The following HDAC9 variants were observed in gnomAD, a reference collection of about 807,000 sequenced individuals.
The protein encoded by HDAC9 is histone deacetylase 9.
HDAC9 carries 41 observed loss-of-function variants against 139.4 expected under a neutral mutation model. The observed-to-expected ratio is 0.29, with a 90% CI of 0.23 to 0.38. HDAC9 has a LOEUF of 0.38. HDAC9 is among the 10% of genes least tolerant of loss of function. The pLI is 1.00. For synonymous variants in HDAC9, 517 were observed against 476.2 expected (o/e 1.09, Z -1.12); for missense variants, 1,147 against 1,297.0 (o/e 0.88, Z 1.78).
At chr7:18,655,204 T>G (rs1237075735) in intron 11 of HDAC9, among the ~76,000 whole-genome samples, 1 of 152,162 alleles carries the variant, frequency 6.6e-6, no homozygotes, top group Non-Finnish European at 1.5e-5. Flanking sequence ...TGTTGTCAGG[T>G]TTAATTTCTC....
intron 21 of HDAC9, among the ~76,000 whole-genome samples, chr7:18,869,137 T>C (rs1798712466): frequency 6.8e-6 from 1 of 147,768 alleles, no homozygotes; most frequent in Non-Finnish European, 1.5e-5. Context: ...ATTCCTGGAC[T>C]CACAATTGGG....
intron 16 of HDAC9, among the ~76,000 whole-genome samples, chr7:18,769,753 C>G (rs1412895894): frequency 6.6e-6 from 1 of 152,092 alleles, no homozygotes; most frequent in African/African-American, 2.4e-5. Flanking sequence ...ATTTTCACCT[C>G]CAGGACAATC....
At chr7:18,790,996 C>A (rs909337443) in intron 16 of HDAC9, among the ~76,000 whole-genome samples, 5 of 152,154 alleles carry the variant, frequency 3.3e-5, no homozygotes, top group African/African-American at 4.8e-5. Context: ...AGTTTAGACA[C>A]CAAAATTAAT....
chr7:18,977,600 A>G (rs1419255717), intron 25 of HDAC9, among the ~76,000 whole-genome samples: 1 of 152,096 alleles, frequency 6.6e-6, no homozygotes, highest in Admixed American at 6.6e-5. Context: ...GTCTATAGAG[A>G]TTTAACCTTG....
At position 18,090,857 on chromosome 7, in the gene HDAC9, A is replaced by T. The variant is rs183007952; in HGVS notation, c.-97+3644A>T. The stretch of plus-strand genomic sequence containing the variant: ...TATCTGAATAAATCAGACTTTTTTT[A>T]AAAAAAAGAAAAGGACAGAAACTTG... On this transcript the variant is annotated intron_variant, in intron 1 of 12. Coordinates refer to the HDAC9 transcript ENST00000417496. Among the ~76,000 whole-genome samples, 1,320 of 151,952 alleles carry T rather than the reference A, an allele frequency of 8.7e-3. 4 individuals carry two copies. The highest frequency in any genetic ancestry group is 0.015 in the African/African-American group (629 of 41,476).
intron 21 of HDAC9, among the ~76,000 whole-genome samples, chr7:18,868,214 G>A (rs965901853): frequency 2.6e-4 from 40 of 152,060 alleles, no homozygotes; most frequent in African/African-American, 8.9e-4. Context: ...CCCTGTGGTT[G>A]TATAAATGGG....
At chr7:18,261,554 G>T (rs544117388) in intron 2 of HDAC9, among the ~76,000 whole-genome samples, 1 of 152,060 alleles carries the variant, frequency 6.6e-6, no homozygotes, top group African/African-American at 2.4e-5. Flanking sequence ...TAATGGGAAG[G>T]GTTCTTATCT....
intron 2 of HDAC9, among the ~76,000 whole-genome samples, chr7:18,243,093 T>C (rs1289254684): frequency 3.3e-5 from 5 of 152,214 alleles, no homozygotes; most frequent in Non-Finnish European, 2.9e-5. Flanking sequence ...TCCTTCTTTC[T>C]TTTTTCCCCA....
chr7:18,794,534 G>T (rs2129180101), intron 17 of HDAC9, among the ~76,000 whole-genome samples: 1 of 152,316 alleles, frequency 6.6e-6, no homozygotes, highest in Admixed American at 6.5e-5. Flanking sequence ...AAAAGTAGAT[G>T]TGCCTGTATA....
At chr7:18,669,527 G>T (rs1795536220) in intron 12 of HDAC9, among the ~76,000 whole-genome samples, 1 of 151,794 alleles carries the variant, frequency 6.6e-6, no homozygotes, top group Non-Finnish European at 1.5e-5. Context: ...GACTGTTACA[G>T]AATGGATTAT....
intron 1 of HDAC9, among the ~76,000 whole-genome samples, chr7:18,426,765 C>CT (rs1289873879): frequency 2.6e-5 from 4 of 152,128 alleles, no homozygotes; most frequent in Non-Finnish European, 5.9e-5. Context: ...TTCAAGATGA[C>CT]TTGTAAAGTT....
At chr7:18,749,938 T>C (rs975141954) in intron 14 of HDAC9, among the ~76,000 whole-genome samples, 3 of 152,220 alleles carry the variant, frequency 2.0e-5, no homozygotes, top group Non-Finnish European at 4.4e-5. Context: ...TTATTTCTTT[T>C]ACTGGGTCTC....
chr7:18,757,827 C>T (rs1003241508), intron 14 of HDAC9, among the ~76,000 whole-genome samples: 1 of 152,006 alleles, frequency 6.6e-6, no homozygotes, highest in African/African-American at 2.4e-5. Context: ...CTTCTATAAT[C>T]GGGATGCATT....
chr7:18,773,477 G>A (rs1450203952), intron 16 of HDAC9, among the ~76,000 whole-genome samples: 4 of 151,636 alleles, frequency 2.6e-5, no homozygotes, highest in African/African-American at 9.7e-5. Context: ...TGAACATTGA[G>A]ACAAGAAGAA....
chr7:18,504,805 A>G (rs1799311429), intron 2 of HDAC9, among the ~76,000 whole-genome samples: 1 of 152,214 alleles, frequency 6.6e-6, no homozygotes. Flanking sequence ...ATATATTCAG[A>G]GAGATAAGAA....
At chr7:18,552,585 T>G (rs1298929179) in intron 2 of HDAC9, among the ~76,000 whole-genome samples, 3 of 152,194 alleles carry the variant, frequency 2.0e-5, no homozygotes, top group African/African-American at 7.2e-5. Context: ...GACCCGGTTT[T>G]CTTTATTTTT....
At chr7:18,918,276 C>T (rs1444542620) in intron 22 of HDAC9, among the ~76,000 whole-genome samples, 1 of 151,198 alleles carries the variant, frequency 6.6e-6, no homozygotes, top group East Asian at 2.0e-4. Context: ...AGGCCAGTCT[C>T]TGAGGAGTAC....
At chr7:18,227,632 A>G (rs1330842958) in intron 2 of HDAC9, among the ~76,000 whole-genome samples, 3 of 152,330 alleles carry the variant, frequency 2.0e-5, no homozygotes, top group African/African-American at 7.2e-5. Context: ...TTTACACCAG[A>G]AAGTCTTTGG....
intron 1 of HDAC9, among the ~76,000 whole-genome samples, chr7:18,346,145 G>A (rs1007126334): frequency 1.3e-5 from 2 of 152,066 alleles, no homozygotes; most frequent in African/African-American, 4.8e-5. Context: ...GTTATGTTAT[G>A]GCCCATAATG....
Sources: allele counts gnomAD v4.1 joint callset (sites outside exome capture counted in the v4.1 genomes callset), GRCh38; gene constraint gnomAD v4.1.1; transcripts MANE v1.5; gene names NCBI Gene and HGNC (gene_info 2026-07-23, HGNC 2026-07-21).